ARHGAP11A: variants seen among roughly 807,000 people sequenced by gnomAD.
ARHGAP11A encodes Rho GTPase activating protein 11A.
A neutral mutation model predicts 60.5 loss-of-function variants in ARHGAP11A; 36 were observed. That is an observed-to-expected ratio of 0.59 (90% CI 0.46 to 0.79). ARHGAP11A has a LOEUF of 0.79. ARHGAP11A is among the 30% of genes least tolerant of loss of function. ARHGAP11A has a pLI of 0.00. For synonymous variants in ARHGAP11A, 362 were observed against 415.5 expected (o/e 0.87, Z 1.57); for missense variants, 1,071 against 1,199.2 (o/e 0.89, Z 1.58).
chr15:32,632,580 A>G (rs894477016), intron 8 of ARHGAP11A, among the ~76,000 whole-genome samples: 6 of 152,148 alleles, frequency 3.9e-5, no homozygotes, highest in South Asian at 2.1e-4. Context: ...TTTTATATAG[A>G]TAACAGTAAT....
chr15:32,619,354 C>T (rs1188367271), intron 1 of ARHGAP11A, among the ~76,000 whole-genome samples: 2 of 152,218 alleles, frequency 1.3e-5, no homozygotes, highest in East Asian at 3.9e-4. Flanking sequence ...GGTTCGAATG[C>T]ATGCACAAAG....
In ARHGAP11A at chr15:32,637,988, T is replaced by C. The variant is rs1567062437; in HGVS notation, c.*143T>C. On this transcript the variant is annotated 3_prime_UTR_variant, in exon 12 of 12. Coordinates refer to ENST00000361627, the MANE Select transcript of ARHGAP11A (RefSeq NM_014783.6). ...ATTGAAAATGTTTCATTTTTTTCAC[T>C]GTACAAGCAACTTAGATTTTTATTT... 14 of 726,912 alleles carry C rather than the reference T, an allele frequency of 1.9e-5. No homozygotes were observed. Among genetic ancestry groups the C allele is most frequent in the Non-Finnish European group, 1.1e-5 (5 of 465,772 alleles). The allele number at this position is 726,912 out of a possible 1,614,324, so 45.0% of individuals were successfully genotyped here. A position where few individuals can be genotyped will look rare whatever the true frequency, so the allele number is the denominator to read the frequency against.
At chr15:32,621,840 G>GGA (rs2053324815) in intron 2 of ARHGAP11A, among the ~76,000 whole-genome samples, 3 of 10,566 alleles carry the variant, frequency 2.8e-4, no homozygotes, top group African/African-American at 1.2e-3. Flanking sequence ...AAAAAAAAAA[G>GGA]AAAAAAAAAG....
Position 32,637,273 on chromosome 15 carries a change from C to G in ARHGAP11A, c.2500C>G (p.Gln834Glu). ...AAAAGTCAAGTCACCTCTTAAGTTT[C>G]AGCGTACTCCTGTTCGTCAGTCCGT... ...RIKVKSPLKF[Q>E]RTPVRQSVRR... Residue 834 changes from glutamine (Q) to glutamate (E), a missense_variant, in exon 12 of 12, where the codon CAG becomes GAG. Physicochemically the swap from Gln to Glu is conservative, Grantham distance 29. Transcript: ENST00000361627. 1 of 1,614,232 alleles carries G rather than the reference C, an allele frequency of 6.2e-7. No homozygotes were observed. Among genetic ancestry groups the G allele is most frequent in the South Asian group, 1.1e-5 (1 of 91,082 alleles).
chr15:32,616,314 C>T lies in ARHGAP11A; in HGVS notation c.103C>T (p.His35Tyr), dbSNP rs2053143292. 1 of 1,613,686 alleles carries T rather than the reference C, an allele frequency of 6.2e-7. No individual in the cohort carries two copies. Among genetic ancestry groups the T allele is most frequent in the Non-Finnish European group, 8.5e-7 (1 of 1,179,934 alleles). The change falls in exon 1 of 12, where the codon CAT (histidine) becomes TAT (tyrosine). Residue 35 changes from histidine to tyrosine, a missense_variant. Physicochemically the swap from His to Tyr is moderately conservative, Grantham distance 83 (BLOSUM62 2). This residue lies in a region of ARHGAP11A where 71 missense variants were observed against 142.4 expected (regional missense o/e 0.50). Coordinates refer to ENST00000361627, the MANE Select transcript of ARHGAP11A (RefSeq NM_014783.6). ...CCGTGGGCAGTGCGATCGCAGGAGA[C>T]ATGAAACAGCAGCCACGGAAATAGG... ...GVRGQCDRRR[H>Y]ETAATEIGGK...
At chr15:32,625,456 AAT>A in intron 5 of ARHGAP11A, 29 bp from the exon 6 acceptor site, 1 of 1,607,794 alleles carries the variant, frequency 6.2e-7, no homozygotes, top group Non-Finnish European at 8.5e-7. Flanking sequence ...GAAGGATAAT[AAT>A]TGTCTTACTT....
rs2053410429 is a variant in ARHGAP11A at position 32,624,382 on chromosome 15, T to C, written c.507T>C (p.His169=). ...GTCTTCTGGCTGACCACACAGTTCA[T>C]GTATTAAGATACTTCTTTAACTTTC... ...LSCLLADHTV[H]VLRYFFNFLR... The change falls in exon 4 of 12, where the codon CAT becomes CAC. Residue 169 remains histidine, a synonymous_variant. Coordinates refer to ENST00000361627, the MANE Select transcript of ARHGAP11A (RefSeq NM_014783.6). 1.2e-6 allele frequency: 2 copies of C among 1,613,844 alleles called. No homozygotes were observed. Among genetic ancestry groups the C allele is most frequent in the Non-Finnish European group, 1.7e-6 (2 of 1,179,868 alleles).
intron 6 of ARHGAP11A, among the ~76,000 whole-genome samples, chr15:32,627,203 A>C (rs1303335638): frequency 6.6e-6 from 1 of 151,458 alleles, no homozygotes. Flanking sequence ...TGCTAGGGAG[A>C]CCTCATCACA....
chr15:32,619,807 C>T (rs1375209626), intron 1 of ARHGAP11A, among the ~76,000 whole-genome samples: 4 of 151,942 alleles, frequency 2.6e-5, no homozygotes, highest in African/African-American at 9.7e-5. Flanking sequence ...TAAGAATTTA[C>T]TGACTAACCA....
chr15:32,628,108 C>A (rs1267417568), intron 6 of ARHGAP11A, among the ~76,000 whole-genome samples: 5 of 152,220 alleles, frequency 3.3e-5, no homozygotes, highest in Non-Finnish European at 5.9e-5. Context: ...CTGCACCTGG[C>A]CAAGGCTTAC....
intron 4 of ARHGAP11A, 72 bp from the exon 5 acceptor site, chr15:32,625,008 C>T: frequency 1.3e-6 from 2 of 1,522,958 alleles, no homozygotes; most frequent in Non-Finnish European, 1.8e-6. Flanking sequence ...TCAAAATGTA[C>T]TACATACGTT....
intron 9 of ARHGAP11A, among the ~76,000 whole-genome samples, chr15:32,633,520 T>C (rs1194456741): frequency 6.6e-6 from 1 of 152,120 alleles, no homozygotes; most frequent in African/African-American, 2.4e-5. Context: ...CACATGCCTG[T>C]AGTCCCAGCT....
intron 2 of ARHGAP11A, among the ~76,000 whole-genome samples, 199 bp from the exon 3 acceptor site, chr15:32,623,293 A>G (rs1000158429): frequency 1.3e-5 from 2 of 152,230 alleles, no homozygotes; most frequent in African/African-American, 4.8e-5. Context: ...TGGAGTTGTT[A>G]GAAGTAAAAA....
chr15:32,618,963 C>T (rs1179378642), intron 1 of ARHGAP11A, among the ~76,000 whole-genome samples: 1 of 152,080 alleles, frequency 6.6e-6, no homozygotes, highest in African/African-American at 2.4e-5. Context: ...AAAAAATACA[C>T]CTGTCATTTT....
chr15:32,636,178 C>T, intron 11 of ARHGAP11A, 79 bp from the exon 12 acceptor site: 1 of 1,478,192 alleles, frequency 6.8e-7, no homozygotes, highest in African/African-American at 1.4e-5. Context: ...TGCTTAGTGA[C>T]TTATTTGCCA....
intron 6 of ARHGAP11A, among the ~76,000 whole-genome samples, chr15:32,626,332 A>T (rs2053457221): frequency 6.6e-6 from 1 of 152,176 alleles, no homozygotes. Flanking sequence ...AATGAAGGAA[A>T]TATTATCAAG....
At chr15:32,626,573 G>A (rs2053462362) in intron 6 of ARHGAP11A, among the ~76,000 whole-genome samples, 1 of 152,050 alleles carries the variant, frequency 6.6e-6, no homozygotes, top group South Asian at 2.1e-4. Context: ...TTGTAGATAG[G>A]ATAATACTGA....
Position 32,637,655 on chromosome 15 carries a change from C to T in ARHGAP11A, c.2882C>T (p.Pro961Leu), listed in dbSNP as rs768351016. Residue 961 changes from proline (P) to leucine (L), a missense_variant, in exon 12 of 12, where the codon CCC becomes CTC. Pro to Leu is a moderately conservative substitution (Grantham distance 98). Transcript: ENST00000361627. ...TTATCTGATGGCCAAGTTAAGGTTCCCTTGGATGATCTGACTAATCATGAT... is the reference window on the plus strand; with the variant it reads ...TTATCTGATGGCCAAGTTAAGGTTCTCTTGGATGATCTGACTAATCATGAT... ...KILSDGQVKV[P>L]LDDLTNHDIV... The T allele has an allele frequency of 6.2e-7, 1 of 1,613,944 alleles. No individual in the cohort carries two copies. The highest frequency in any genetic ancestry group is 2.2e-5 in the East Asian group (1 of 44,890).
chr15:32,636,896 CA>C lies in ARHGAP11A; in HGVS notation c.2127del (p.Asp710IlefsTer3), dbSNP rs775359909. ...GAAAAAGACATTCATTCAAATATGC[CA>C]AAAGATTATTTAAGCAAGCAAGAAT... ...EHEKDIHSNM[P>X]KDYLSKQEFS... On this transcript the variant is annotated frameshift_variant, in exon 12 of 12. Transcript: ENST00000361627. LOFTEE classifies it low-confidence loss of function (END_TRUNC). The C allele has an allele frequency of 1.9e-6, 3 of 1,613,088 alleles. No individual in the cohort carries two copies. The highest frequency in any genetic ancestry group is 4.5e-5 in the East Asian group (2 of 44,870).
Sources: allele counts gnomAD v4.1 joint callset (sites outside exome capture counted in the v4.1 genomes callset), GRCh38; gene constraint gnomAD v4.1.1; regional missense constraint gnomAD v4.1.1; transcripts MANE v1.5; gene names NCBI Gene and HGNC (gene_info 2026-07-23, HGNC 2026-07-21).